Variants in PAPPA2 observed in about 807,000 individuals in gnomAD.
PAPPA2 encodes the protein pappalysin 2.
Under a neutral mutation model 176.4 loss-of-function variants are expected in PAPPA2, and 86 were observed. The ratio of observed to expected loss-of-function variants is 0.49; its 90% CI spans 0.41 to 0.58. The LOEUF (loss-of-function observed/expected upper bound fraction) is 0.58, where lower values mean the gene tolerates loss of function less well. Among genes scored for constraint, PAPPA2 ranks in the 20% least tolerant of loss-of-function variants. The probability of loss-of-function intolerance (pLI) is 0.00; values close to 1 mark genes in which losing one functional copy is unlikely to be tolerated. For missense variants in PAPPA2, 2,073 were observed against 2,256.9 expected (o/e 0.92, Z 1.65); for synonymous variants, 809 against 852.2 (o/e 0.95, Z 0.88).
intron 2 of PAPPA2, among the ~76,000 whole-genome samples, chr1:176,561,496 G>A (rs1569638): frequency 0.61 from 92,750 of 152,066 alleles, 29,311 homozygotes; most frequent in East Asian, 0.97. Flanking sequence ...CAGTTTGCTA[G>A]ATTGTAAAAT....
At chr1:176,750,717 T>C (rs1364697046) in intron 14 of PAPPA2, among the ~76,000 whole-genome samples, 2 of 152,174 alleles carry the variant, frequency 1.3e-5, no homozygotes, top group African/African-American at 4.8e-5. Context: ...AATAGTAAGC[T>C]AGAGAAAGGA....
chr1:176,697,160 G>A (rs1339693305), intron 7 of PAPPA2, among the ~76,000 whole-genome samples: 4 of 152,026 alleles, frequency 2.6e-5, no homozygotes, highest in Non-Finnish European at 1.5e-5. Flanking sequence ...AGAGGTAAAA[G>A]GAATTAGAAG....
intron 1 of PAPPA2, among the ~76,000 whole-genome samples, chr1:176,552,334 C>T (rs557664414): frequency 1.3e-5 from 2 of 151,056 alleles, no homozygotes; most frequent in South Asian, 2.1e-4. Context: ...CTCTCCCCTC[C>T]CCCTCGCCTT....
At chr1:176,741,094 G>C (rs1248493610) in intron 14 of PAPPA2, among the ~76,000 whole-genome samples, 1 of 152,102 alleles carries the variant, frequency 6.6e-6, no homozygotes, top group Non-Finnish European at 1.5e-5. Flanking sequence ...ATCTATTGCT[G>C]TATAGCAAAT....
chr1:176,667,809 T>C (rs1484371115), intron 3 of PAPPA2, among the ~76,000 whole-genome samples: 1 of 152,224 alleles, frequency 6.6e-6, no homozygotes, highest in African/African-American at 2.4e-5. Context: ...GGCTTCCTTC[T>C]TGAATAATTC....
intron 12 of PAPPA2, among the ~76,000 whole-genome samples, chr1:176,737,632 T>C (rs1558552620): frequency 6.6e-6 from 1 of 152,120 alleles, no homozygotes; most frequent in Non-Finnish European, 1.5e-5. Flanking sequence ...TCTGAGGTTT[T>C]CCTACTTAAG....
In PAPPA2 at chr1:176,594,693, A is replaced by T. The variant is rs1472826428; in HGVS notation, c.1089A>T (p.Thr363=). ...GCCACAGTCGCTACCAACCAGGCAC[A>T]TGGACCCATGTGGCAGCCACTTACG... ...LISHSRYQPG[T]WTHVAATYDG... is the part of the protein sequence containing the mutation. The change falls in exon 3 of 23, where the codon ACA becomes ACT. Residue 363 remains threonine, a synonymous_variant. Coordinates refer to ENST00000367662, the MANE Select transcript of PAPPA2 (RefSeq NM_020318.3). 6.8e-6 allele frequency: 11 copies of T among 1,614,124 alleles called. No homozygotes were observed. The highest frequency in any genetic ancestry group is 9.3e-6 in the Non-Finnish European group (11 of 1,180,058).
chr1:176,548,558 C>T (rs1197028752), intron 1 of PAPPA2, among the ~76,000 whole-genome samples: 2 of 151,468 alleles, frequency 1.3e-5, no homozygotes, highest in East Asian at 2.0e-4. Flanking sequence ...CAAATCATGG[C>T]GTGTATTTAC....
chr1:176,711,979 A>G lies in PAPPA2; in HGVS notation c.3796A>G (p.Lys1266Glu). The change falls in exon 12 of 23, where the codon AAA becomes GAA. Residue 1266 changes from lysine (K) to glutamate (E), a missense_variant and splice_region_variant. Physicochemically the swap from Lys to Glu is moderately conservative, Grantham distance 56. Transcript: ENST00000367662. ...SLKKEDEVWL[K>E]VCFNRPGEAR... is the part of the protein sequence containing the mutation. ...GAAGAAAGAGGATGAGGTTTGGCTC[A>G]AAGTAAGTGGCCCAAATGTTTCTTT... 6.2e-7 allele frequency: 1 copy of G among 1,610,316 alleles called. No homozygotes were observed. Among genetic ancestry groups the G allele is most frequent in the Non-Finnish European group, 8.5e-7 (1 of 1,176,784 alleles).
At chr1:176,582,957 A>C (rs1056769429) in intron 2 of PAPPA2, among the ~76,000 whole-genome samples, 2 of 152,162 alleles carry the variant, frequency 1.3e-5, no homozygotes, top group Non-Finnish European at 2.9e-5. Flanking sequence ...CAAGTTTTAT[A>C]TCTCTTCTTG....
chr1:176,550,236 G>T (rs1650867891), intron 1 of PAPPA2, among the ~76,000 whole-genome samples: 2 of 152,206 alleles, frequency 1.3e-5, no homozygotes, highest in Admixed American at 1.3e-4. Flanking sequence ...TCTGTAAGAT[G>T]GGCATTAACA....
Position 176,565,670 on chromosome 1 carries a change from T to G in PAPPA2, c.919+8429T>G, listed in dbSNP as rs538985027. Among the ~76,000 whole-genome samples the G allele has an allele frequency of 1.4e-4, 21 of 152,300 alleles. No individual in the cohort carries two copies. The East Asian group carries it at 4.1e-3, about 29-fold the overall frequency. ...ATGACTGTGCCGCTGCACTCCAGCC[T>G]GGGGGACAGAATGAGAACCTGTCTC... On this transcript the variant is annotated intron_variant, in intron 2 of 22. Coordinates refer to ENST00000367662, the MANE Select transcript of PAPPA2 (RefSeq NM_020318.3).
At chr1:176,653,009 C>T (rs1174060661) in intron 3 of PAPPA2, among the ~76,000 whole-genome samples, 1 of 151,612 alleles carries the variant, frequency 6.6e-6, no homozygotes, top group Non-Finnish European at 1.5e-5. Flanking sequence ...GGAGTGAAGC[C>T]AGCTTGCTTC....
At chr1:176,772,777 T>G (rs562464053) in intron 17 of PAPPA2, among the ~76,000 whole-genome samples, 1 of 152,322 alleles carries the variant, frequency 6.6e-6, no homozygotes, top group Non-Finnish European at 1.5e-5. Flanking sequence ...CATGCACTGA[T>G]AGACAGTGAG....
At chr1:176,606,983 G>A (rs1050511622) in intron 3 of PAPPA2, among the ~76,000 whole-genome samples, 1 of 152,254 alleles carries the variant, frequency 6.6e-6, no homozygotes, top group African/African-American at 2.4e-5. Flanking sequence ...TGAACCATAA[G>A]CAATTAGGAG....
At chr1:176,599,220 C>A (rs557853537) in intron 3 of PAPPA2, among the ~76,000 whole-genome samples, 62 of 151,778 alleles carry the variant, frequency 4.1e-4, no homozygotes, top group African/African-American at 1.5e-3. Context: ...CACACACACA[C>A]AAATATATTT....
At chr1:176,585,509 C>T (rs770386268) in intron 2 of PAPPA2, among the ~76,000 whole-genome samples, 71 of 152,092 alleles carry the variant, frequency 4.7e-4, no homozygotes, top group Admixed American at 5.2e-4. Context: ...TTTATTGGAT[C>T]TGAATGTCCA....
chr1:176,723,434 A>C (rs981623242), intron 12 of PAPPA2, among the ~76,000 whole-genome samples: 1 of 151,938 alleles, frequency 6.6e-6, no homozygotes, highest in African/African-American at 2.4e-5. Context: ...AATCAATACA[A>C]CACCAAATAA....
chr1:176,575,491 C>T (rs2102619660), intron 2 of PAPPA2, among the ~76,000 whole-genome samples: 1 of 152,298 alleles, frequency 6.6e-6, no homozygotes, highest in Middle Eastern at 3.4e-3. Flanking sequence ...TATTCAATGT[C>T]CTTTATGATC....
Sources: allele counts gnomAD v4.1 joint callset (sites outside exome capture counted in the v4.1 genomes callset), GRCh38; gene constraint gnomAD v4.1.1; transcripts MANE v1.5; gene names NCBI Gene and HGNC (gene_info 2026-07-23, HGNC 2026-07-21).